SGMS1: variants seen among roughly 807,000 people sequenced by gnomAD.
SGMS1 encodes phosphatidylcholine:ceramide cholinephosphotransferase 1.
SGMS1 carries 13 observed loss-of-function variants against 46.2 expected under a neutral mutation model. The observed-to-expected ratio is 0.28, with a 90% CI of 0.18 to 0.45. The LOEUF (loss-of-function observed/expected upper bound fraction) is 0.45. Ranked by LOEUF, SGMS1 falls within the 20% of genes least tolerant of loss-of-function variation. The pLI, the probability that SGMS1 is intolerant of heterozygous loss-of-function variation, is 1.00. For synonymous variants in SGMS1, 203 were observed against 187.8 expected, an observed-to-expected ratio of 1.08 and a Z score of -0.66; for missense variants, 324 against 519.9, an observed-to-expected ratio of 0.62 and a Z score of 3.66.
At chr10:50,384,166 T>C (rs1297717165) in intron 6 of SGMS1, among the ~76,000 whole-genome samples, 2 of 152,186 alleles carry the variant, frequency 1.3e-5, no homozygotes, top group African/African-American at 2.4e-5. Flanking sequence ...TGTTTTGTTA[T>C]AGAAGACGGA....
chr10:50,359,474 A>G (rs933679733), intron 6 of SGMS1, among the ~76,000 whole-genome samples: 1 of 152,168 alleles, frequency 6.6e-6, no homozygotes, highest in Non-Finnish European at 1.5e-5. Flanking sequence ...TAAATCAGCC[A>G]TGTCCACTGT....
chr10:50,454,424 T>C (rs1467330041), intron 5 of SGMS1, among the ~76,000 whole-genome samples: 1 of 151,900 alleles, frequency 6.6e-6, no homozygotes, highest in Non-Finnish European at 1.5e-5. Context: ...AGAGTGGTGA[T>C]AGAGTAGTGA....
chr10:50,400,419 A>C (rs1275435961), intron 6 of SGMS1, among the ~76,000 whole-genome samples: 1 of 32,086 alleles, frequency 3.1e-5, no homozygotes, highest in African/African-American at 1.1e-4. Context: ...ATATATATAT[A>C]TATATATATA....
intron 6 of SGMS1, chr10:50,418,157 C>A (rs1407341978): frequency 6.6e-6 from 1 of 152,144 alleles, no homozygotes; most frequent in African/African-American, 2.4e-5. Context: ...CGCAGCCAGC[C>A]CTGGCGCGGG....
chr10:50,605,409 C>G (rs2131918070), intron 1 of SGMS1, among the ~76,000 whole-genome samples: 1 of 152,306 alleles, frequency 6.6e-6, no homozygotes, highest in Middle Eastern at 3.4e-3. Context: ...GAGCATTTAA[C>G]CAGCTCAGAG....
At chr10:50,532,225 C>CTGTGTGTGTGTGTGTGTG (rs71029313) in intron 2 of SGMS1, among the ~76,000 whole-genome samples, 5 of 130,590 alleles carry the variant, frequency 3.8e-5, no homozygotes, top group African/African-American at 8.8e-5. Flanking sequence ...CTGAATGAGA[C>CTGTGTGTGTGTGTGTGTG]TGTGTGTGTG....
At chr10:50,481,013 T>C in intron 3 of SGMS1, among the ~76,000 whole-genome samples, 1 of 152,196 alleles carries the variant, frequency 6.6e-6, no homozygotes, top group East Asian at 1.9e-4. Context: ...AACTCTGATC[T>C]CCCTGGGAAG....
At chr10:50,499,961 G>A (rs1237511678) in intron 3 of SGMS1, among the ~76,000 whole-genome samples, 1 of 152,222 alleles carries the variant, frequency 6.6e-6, no homozygotes. Context: ...GAGGTCTGGA[G>A]TTCGAGACCA....
At chr10:50,504,264 G>A (rs778639044) in intron 3 of SGMS1, among the ~76,000 whole-genome samples, 9 of 152,256 alleles carry the variant, frequency 5.9e-5, no homozygotes, top group East Asian at 3.9e-4. Context: ...CAGTAAGTCC[G>A]GGTGGTGCCT....
intron 3 of SGMS1, among the ~76,000 whole-genome samples, chr10:50,489,088 CAA>C (rs1259839448): frequency 1.3e-5 from 2 of 152,186 alleles, no homozygotes; most frequent in African/African-American, 2.4e-5. Flanking sequence ...AAGTGTCAGA[CAA>C]AGAGAGAGGA....
At chr10:50,621,674 T>G (rs933460287) in intron 1 of SGMS1, among the ~76,000 whole-genome samples, 1 of 152,242 alleles carries the variant, frequency 6.6e-6, no homozygotes, top group Admixed American at 6.5e-5. Context: ...GTTAATGTCT[T>G]TTATTAAAAA....
chr10:50,465,778 A>G (rs1837321284), intron 4 of SGMS1, among the ~76,000 whole-genome samples: 1 of 152,146 alleles, frequency 6.6e-6, no homozygotes, highest in Non-Finnish European at 1.5e-5. Context: ...GACAAAAACA[A>G]CAAAAAGTGT....
chr10:50,478,734 T>C (rs1837450630), intron 3 of SGMS1, among the ~76,000 whole-genome samples: 1 of 152,162 alleles, frequency 6.6e-6, no homozygotes. Context: ...AGATTAAAAA[T>C]AGGAATTTAT....
intron 6 of SGMS1, among the ~76,000 whole-genome samples, chr10:50,431,203 T>C (rs1849400857): frequency 6.6e-6 from 1 of 152,236 alleles, no homozygotes. Context: ...TCTCAGATTT[T>C]AACCACGAGC....
At chr10:50,490,525 C>A (rs911941905) in intron 3 of SGMS1, among the ~76,000 whole-genome samples, 4 of 152,182 alleles carry the variant, frequency 2.6e-5, no homozygotes, top group African/African-American at 9.6e-5. Flanking sequence ...CTCGATTTCA[C>A]ATCATATGGT....
chr10:50,553,649 C>T (rs911319711), intron 2 of SGMS1, among the ~76,000 whole-genome samples: 1 of 152,118 alleles, frequency 6.6e-6, no homozygotes, highest in Non-Finnish European at 1.5e-5. Flanking sequence ...TTCATGCCTG[C>T]GTCTCTGAAC....
At chr10:50,368,641 C>T (rs1478672921) in intron 6 of SGMS1, among the ~76,000 whole-genome samples, 1 of 152,242 alleles carries the variant, frequency 6.6e-6, no homozygotes, top group Non-Finnish European at 1.5e-5. Flanking sequence ...CAGGCGTGAG[C>T]CACTGCACCC....
intron 5 of SGMS1, among the ~76,000 whole-genome samples, chr10:50,434,598 C>T (rs1251687793): frequency 6.6e-6 from 1 of 151,812 alleles, no homozygotes; most frequent in Admixed American, 6.6e-5. Context: ...GATGATTGGC[C>T]AGCAGTGGTG....
intron 4 of SGMS1, among the ~76,000 whole-genome samples, chr10:50,463,376 C>T (rs1837290741): frequency 6.6e-6 from 1 of 152,114 alleles, no homozygotes; most frequent in African/African-American, 2.4e-5. Flanking sequence ...GGACATTTCT[C>T]CAAAGAAGAT....
Sources: gnomAD v4.1 joint callset for allele counts (sites outside exome capture counted in the v4.1 genomes callset) on GRCh38, gnomAD v4.1.1 for gene constraint, MANE v1.5 for transcripts, NCBI Gene and HGNC (gene_info 2026-07-23, HGNC 2026-07-21) for gene names.